MSRA: variants seen among roughly 807,000 people sequenced by gnomAD.
The protein encoded by MSRA is mitochondrial peptide methionine sulfoxide reductase.
A neutral mutation model predicts 31.3 loss-of-function variants in MSRA; 54 were observed. That is an observed-to-expected ratio of 1.73 (90% CI 1.39 to 2.17). The LOEUF is 2.17. MSRA is among the 30% of genes most tolerant of loss of function. MSRA has a pLI of 0.00. For synonymous variants in MSRA, 169 were observed against 116.5 expected (o/e 1.45, Z -2.90); for missense variants, 507 against 300.9 (o/e 1.69, Z -5.07).
chr8:10,126,973 G>A (rs1357389075), intron 1 of MSRA, among the ~76,000 whole-genome samples: 6 of 152,210 alleles, frequency 3.9e-5, no homozygotes, highest in African/African-American at 1.2e-4. Context: ...CCTGCTGTGC[G>A]GCCTGGTTCC....
chr8:10,104,444 A>T (rs931456051), intron 1 of MSRA, among the ~76,000 whole-genome samples: 5 of 152,184 alleles, frequency 3.3e-5, no homozygotes, highest in Admixed American at 3.3e-4. Flanking sequence ...ACATCATTCA[A>T]TACCTGTAAG....
rs574522276 is a variant in MSRA at position 10,204,741 on chromosome 8, A to G, written c.143-3092A>G. ...TATATATGTATTTTTAATGGATCAAATAAGTTATCTTTCATAATGGCTAAA... is the reference window on the plus strand; with the variant it reads ...TATATATGTATTTTTAATGGATCAAGTAAGTTATCTTTCATAATGGCTAAA... On this transcript the variant is annotated intron_variant, in intron 1 of 5. Transcript: ENST00000317173. Among the ~76,000 whole-genome samples the G allele has an allele frequency of 2.6e-5, 4 of 152,344 alleles. No homozygotes were observed. In the East Asian group the frequency reaches 5.8e-4, roughly 22 times the overall value.
In MSRA at chr8:10,319,899, C is replaced by A. The variant is rs756729297; in HGVS notation, c.453C>A (p.Asn151Lys). 17 of 1,557,378 alleles carry A rather than the reference C, an allele frequency of 1.1e-5. No homozygotes were observed. Among genetic ancestry groups the A allele is most frequent in the Non-Finnish European group, 1.5e-5 (17 of 1,150,626 alleles). Residue 151 changes from asparagine to lysine, a missense_variant, in exon 5 of 6, where the codon AAC (asparagine) becomes AAA (lysine). Coordinates refer to ENST00000317173, the MANE Select transcript of MSRA (RefSeq NM_012331.5). ...HDPTQGMRQG[N>K]DHGTQYRSAI... ...CTTTCCTAGGTATGCGCCAGGGGAA[C>A]GACCATGGCACTCAGTACCGCTCGG...
At chr8:10,343,035 A>ACG (rs1803533626) in intron 5 of MSRA, among the ~76,000 whole-genome samples, 1 of 107,630 alleles carries the variant, frequency 9.3e-6, no homozygotes, top group Non-Finnish European at 1.9e-5. Flanking sequence ...ACACACACAC[A>ACG]CACACACACA....
intron 1 of MSRA, among the ~76,000 whole-genome samples, chr8:10,160,961 C>G (rs1360766785): frequency 6.6e-6 from 1 of 151,596 alleles, no homozygotes; most frequent in Non-Finnish European, 1.5e-5. Context: ...ATTAACATTG[C>G]TAATTCTTTG....
intron 1 of MSRA, among the ~76,000 whole-genome samples, chr8:10,074,285 T>G (rs989582800): frequency 1.3e-5 from 2 of 151,878 alleles, no homozygotes; most frequent in Non-Finnish European, 2.9e-5. Context: ...GGTTTCACCG[T>G]GTTAGCCAGG....
At chr8:10,066,741 G>C (rs888292589) in intron 1 of MSRA, among the ~76,000 whole-genome samples, 1 of 151,958 alleles carries the variant, frequency 6.6e-6, no homozygotes, top group African/African-American at 2.4e-5. Context: ...TACCATGTTG[G>C]CCGGGCTGGT....
chr8:10,125,189 G>C (rs1054636218), intron 1 of MSRA, among the ~76,000 whole-genome samples: 5 of 152,192 alleles, frequency 3.3e-5, no homozygotes, highest in African/African-American at 1.2e-4. Context: ...TGCCTCATTT[G>C]GGGAGTAGGG....
At chr8:10,357,514 C>G (rs1290180400) in intron 5 of MSRA, among the ~76,000 whole-genome samples, 1 of 152,128 alleles carries the variant, frequency 6.6e-6, no homozygotes, top group Non-Finnish European at 1.5e-5. Context: ...TCTTATTTTC[C>G]TATCTTTGAC....
At chr8:10,313,794 C>G (rs1039747384) in intron 4 of MSRA, among the ~76,000 whole-genome samples, 3 of 152,186 alleles carry the variant, frequency 2.0e-5, no homozygotes, top group Admixed American at 6.5e-5. Flanking sequence ...CATTATAAAG[C>G]TACAGCTGTT....
chr8:10,082,694 G>A (rs1374176405), intron 1 of MSRA, among the ~76,000 whole-genome samples: 1 of 152,168 alleles, frequency 6.6e-6, no homozygotes, highest in African/African-American at 2.4e-5. Flanking sequence ...AGTGGTGACC[G>A]GGCTTGAGGG....
intron 2 of MSRA, among the ~76,000 whole-genome samples, chr8:10,221,056 C>T (rs77701028): frequency 0.022 from 3,361 of 152,290 alleles, 86 homozygotes; most frequent in East Asian, 0.15. Flanking sequence ...TACAGATATG[C>T]AGTGGGATGG....
At chr8:10,392,895 A>C (rs1304482743) in intron 5 of MSRA, among the ~76,000 whole-genome samples, 49 of 75,466 alleles carry the variant, frequency 6.5e-4, no homozygotes, top group Non-Finnish European at 9.4e-4. Context: ...AAATGCAAAA[A>C]AAAAAAAAAA....
intron 5 of MSRA, among the ~76,000 whole-genome samples, chr8:10,350,918 C>A (rs1212944044): frequency 1.3e-5 from 2 of 152,246 alleles, no homozygotes; most frequent in Non-Finnish European, 2.9e-5. Flanking sequence ...CAGAGGGCTT[C>A]CTACTGCCTG....
chr8:10,398,992 G>A (rs927445165), intron 5 of MSRA, among the ~76,000 whole-genome samples: 4 of 152,190 alleles, frequency 2.6e-5, no homozygotes, highest in African/African-American at 9.7e-5. Flanking sequence ...GAAAAAGCCC[G>A]AGGACTGGGT....
intron 1 of MSRA, among the ~76,000 whole-genome samples, chr8:10,194,770 C>G (rs905686127): frequency 1.3e-5 from 2 of 152,170 alleles, no homozygotes; most frequent in Non-Finnish European, 1.5e-5. Context: ...TGAGGCTGAT[C>G]AGAGCTCAGG....
chr8:10,275,660 C>A (rs1284574870), intron 3 of MSRA, among the ~76,000 whole-genome samples: 1 of 152,186 alleles, frequency 6.6e-6, no homozygotes. Flanking sequence ...TATGCACTGG[C>A]ATCTCCCAAT....
At chr8:10,296,526 A>T (rs1800552320) in intron 3 of MSRA, among the ~76,000 whole-genome samples, 1 of 152,198 alleles carries the variant, frequency 6.6e-6, no homozygotes, top group African/African-American at 2.4e-5. Context: ...TGTTGGAATG[A>T]TGGTTTAAGC....
At chr8:10,407,561 G>A (rs935782362) in intron 5 of MSRA, among the ~76,000 whole-genome samples, 5 of 152,174 alleles carry the variant, frequency 3.3e-5, no homozygotes, top group African/African-American at 4.8e-5. Context: ...AAATGATGCC[G>A]TGTGCCAAGA....
Sources: allele counts gnomAD v4.1 joint callset (sites outside exome capture counted in the v4.1 genomes callset), GRCh38; gene constraint gnomAD v4.1.1; transcripts MANE v1.5; gene names NCBI Gene and HGNC (gene_info 2026-07-23, HGNC 2026-07-21).